Variants in FAM169A observed in about 807,000 individuals in gnomAD.
FAM169A encodes the protein family with sequence similarity 169 member A.
Under a neutral mutation model 75.7 loss-of-function variants are expected in FAM169A, and 24 were observed. The ratio of observed to expected loss-of-function variants is 0.32; its 90% confidence interval spans 0.23 to 0.45. FAM169A has a LOEUF of 0.45. Among genes scored for constraint, FAM169A ranks in the 20% least tolerant of loss-of-function variants. The pLI is 1.00. For synonymous variants in FAM169A, 271 were observed against 271.0 expected (o/e 1.00, Z 0.00); for missense variants, 673 against 784.0 (o/e 0.86, Z 1.69).
At chr5:74,802,164 T>C (rs1310680912) in intron 8 of FAM169A, among the ~76,000 whole-genome samples, 2 of 152,206 alleles carry the variant, frequency 1.3e-5, no homozygotes, top group South Asian at 2.1e-4. Flanking sequence ...CTAACTCACA[T>C]GTAATCAATC....
chr5:74,805,755 G>A (rs1314906396), intron 6 of FAM169A, among the ~76,000 whole-genome samples: 2 of 150,780 alleles, frequency 1.3e-5, no homozygotes, highest in African/African-American at 4.9e-5. Context: ...GTTACAGAGG[G>A]ACATAGAAAA....
chr5:74,839,388 T>C (rs894391643), intron 3 of FAM169A, among the ~76,000 whole-genome samples: 2 of 152,004 alleles, frequency 1.3e-5, no homozygotes, highest in African/African-American at 4.8e-5. Context: ...TGTTTGACTG[T>C]TCCTCCTTCA....
chr5:74,864,419 G>A (rs1488499994), intron 1 of FAM169A, among the ~76,000 whole-genome samples: 2 of 152,094 alleles, frequency 1.3e-5, no homozygotes, highest in East Asian at 1.9e-4. Context: ...TAGTAGAGAC[G>A]GGGTTTCACC....
intron 5 of FAM169A, among the ~76,000 whole-genome samples, chr5:74,819,348 T>C (rs1580123621): frequency 6.6e-6 from 1 of 152,132 alleles, no homozygotes; most frequent in Non-Finnish European, 1.5e-5. Context: ...AAAATTACAA[T>C]GGCACGGCTA....
intron 4 of FAM169A, among the ~76,000 whole-genome samples, chr5:74,836,935 G>C (rs899102853): frequency 2.6e-3 from 342 of 129,992 alleles, no homozygotes; most frequent in African/African-American, 0.011. Flanking sequence ...GCGTCAGTAA[G>C]CCTGTGTCAA....
Position 74,781,529 on chromosome 5 carries a change from G to C in FAM169A, c.1944C>G (p.Asp648Glu). 1 of 1,614,138 alleles carries C rather than the reference G, an allele frequency of 6.2e-7. No homozygotes were observed. The highest frequency in any genetic ancestry group is 8.5e-7 in the Non-Finnish European group (1 of 1,180,020). Residue 648 changes from aspartate to glutamate, a missense_variant, in exon 13 of 13, where the codon GAC (aspartate) becomes GAG (glutamate). Asp to Glu is a conservative substitution (Grantham distance 45). Around this residue, in one of 3 missense-constraint regions of FAM169A, gnomAD observed 510 missense variants for 550.9 expected, o/e 0.93. Transcript: ENST00000687041. Reference sequence around the variant, plus strand: ...TGGCCTTTCTTCTTAAATTCCGCCTGTCTACCACAGGCACTTCCACTTCTA... The same window carrying C: ...TGGCCTTTCTTCTTAAATTCCGCCTCTCTACCACAGGCACTTCCACTTCTA... Reference protein sequence around the residue: ...EEIEVEVPVVDRRNLRRKAKG... With the variant: ...EEIEVEVPVVERRNLRRKAKG...
intron 5 of FAM169A, among the ~76,000 whole-genome samples, chr5:74,830,052 T>C (rs1476907547): frequency 6.6e-6 from 1 of 152,198 alleles, no homozygotes; most frequent in Non-Finnish European, 1.5e-5. Flanking sequence ...TTTTGAATGT[T>C]CTACCAAAAG....
At chr5:74,809,339 A>T (rs1308123495) in intron 6 of FAM169A, among the ~76,000 whole-genome samples, 5 of 152,218 alleles carry the variant, frequency 3.3e-5, no homozygotes, top group Non-Finnish European at 7.3e-5. Flanking sequence ...TCACGCCTGT[A>T]ATCTCAGCAC....
At chr5:74,792,629 C>T (rs1746038953) in intron 11 of FAM169A, among the ~76,000 whole-genome samples, 1 of 152,152 alleles carries the variant, frequency 6.6e-6, no homozygotes, top group Non-Finnish European at 1.5e-5. Context: ...TTATATACAT[C>T]TATCCTATTA....
At chr5:74,841,766 G>A (rs534956508) in intron 1 of FAM169A, 87 bp from the exon 2 acceptor site, 2 of 1,165,302 alleles carry the variant, frequency 1.7e-6, no homozygotes, top group Non-Finnish European at 2.3e-6. Flanking sequence ...CTACAATGTT[G>A]CCATATTTTG....
chr5:74,827,245 C>T (rs1409084472), intron 5 of FAM169A, among the ~76,000 whole-genome samples: 1 of 152,104 alleles, frequency 6.6e-6, no homozygotes, highest in Non-Finnish European at 1.5e-5. Context: ...AAAAACAAAA[C>T]TATTACACCC....
intron 5 of FAM169A, among the ~76,000 whole-genome samples, chr5:74,833,108 G>T (rs1748401168): frequency 6.6e-6 from 1 of 152,032 alleles, no homozygotes; most frequent in Non-Finnish European, 1.5e-5. Flanking sequence ...TTCATAGAAA[G>T]AAGCCCTCAA....
intron 1 of FAM169A, among the ~76,000 whole-genome samples, chr5:74,854,567 T>C (rs1050750609): frequency 6.6e-6 from 1 of 152,122 alleles, no homozygotes; most frequent in South Asian, 2.1e-4. Context: ...TCTAACTATG[T>C]TTTTGTACCC....
Position 74,805,196 on chromosome 5 carries a change from T to C in FAM169A, c.759A>G (p.Pro253=). 6.2e-7 allele frequency: 1 copy of C among 1,613,406 alleles called. No homozygotes were observed. The change falls in exon 7 of 13, where the codon CCA becomes CCG. Residue 253 remains proline, a synonymous_variant. Transcript: ENST00000687041. ...EGVGHWYQRI[P]VTRALQREAL... is the part of the protein sequence containing the mutation. The stretch of plus-strand genomic sequence containing the variant: ...CTTCTCTTTGTAATGCTCTGGTGAC[T>C]GGTATTCGCTGGTACCAGTGTCCAA...
At chr5:74,817,607 A>G (rs1332660517) in intron 5 of FAM169A, among the ~76,000 whole-genome samples, 1 of 152,160 alleles carries the variant, frequency 6.6e-6, no homozygotes, top group Non-Finnish European at 1.5e-5. Flanking sequence ...ATATTTCCCA[A>G]TACAACCTAA....
intron 5 of FAM169A, among the ~76,000 whole-genome samples, chr5:74,821,528 T>C (rs1313328373): frequency 6.6e-6 from 1 of 152,310 alleles, no homozygotes; most frequent in East Asian, 1.9e-4. Context: ...CAGATTCAGA[T>C]TATTCAGAAA....
Position 74,781,649 on chromosome 5 carries a change from C to T in FAM169A, c.1824G>A (p.Lys608=), listed in dbSNP as rs16872269. 52,757 of 1,614,068 alleles carry T rather than the reference C, an allele frequency of 0.033. 3,379 individuals carry two copies. The highest frequency in any genetic ancestry group is 0.28 in the African/African-American group (20,860 of 74,970). The change falls in exon 13 of 13, where the codon AAG becomes AAA. Residue 608 remains lysine (K), a synonymous_variant. Coordinates refer to ENST00000687041, the MANE Select transcript of FAM169A (RefSeq NM_001376049.1). ...DVPFSQNAGQ[K]NQSEEQSEAS... ...CTTCAGACTGCTCCTCTGACTGATT[C>T]TTCTGTCCTGCATTCTGTGAAAATG...
intron 8 of FAM169A, among the ~76,000 whole-genome samples, chr5:74,803,216 A>T (rs1746678129): frequency 6.6e-6 from 1 of 152,058 alleles, no homozygotes; most frequent in Non-Finnish European, 1.5e-5. Flanking sequence ...AAAGTAAATC[A>T]TTGCTCTCGT....
chr5:74,816,901 T>TTAACCTC (rs1292179013), intron 5 of FAM169A, among the ~76,000 whole-genome samples: 5 of 152,166 alleles, frequency 3.3e-5, no homozygotes, highest in Non-Finnish European at 5.9e-5. Flanking sequence ...ATGTCTATCT[T>TTAACCTC]TAACCTCTAT....
Sources: gnomAD v4.1 joint callset for allele counts (sites outside exome capture counted in the v4.1 genomes callset) on GRCh38, gnomAD v4.1.1 for gene constraint, gnomAD v4.1.1 regional missense constraint, MANE v1.5 for transcripts, NCBI Gene and HGNC (gene_info 2026-07-23, HGNC 2026-07-21) for gene names.